The following FER1L5 variants were observed in gnomAD, a reference collection of about 807,000 sequenced individuals.
FER1L5 encodes fer-1-like protein 5.
FER1L5 carries 187 observed loss-of-function variants against 279.9 expected under a neutral mutation model. That is an observed-to-expected ratio of 0.67 (90% CI 0.59 to 0.75). The LOEUF is 0.75. Among genes scored for constraint, FER1L5 ranks in the 30% least tolerant of loss-of-function variants. The pLI, the probability that FER1L5 is intolerant of heterozygous loss-of-function variation, is 0.00. For missense variants in FER1L5, 2,091 were observed against 2,594.4 expected (o/e 0.81, Z 4.21); for synonymous variants, 921 against 989.7 (o/e 0.93, Z 1.30).
chr2:96,651,295 CT>C (rs1354648127), intron 6 of FER1L5, among the ~76,000 whole-genome samples: 1 of 134,486 alleles, frequency 7.4e-6, no homozygotes, highest in African/African-American at 2.8e-5. Context: ...TTCTTTCTTT[CT>C]TTCTTCTTTC....
intron 31 of FER1L5, among the ~76,000 whole-genome samples, chr2:96,692,925 T>C (rs1034600434): frequency 2.0e-5 from 3 of 152,078 alleles, no homozygotes; most frequent in Non-Finnish European, 4.4e-5. Context: ...CACCTGTAAT[T>C]CCTGCACTTT....
rs1227447659 is a variant in FER1L5, at chr2:96,691,356, G to A, written c.2907+3G>A. The stretch of plus-strand genomic sequence containing the variant: ...AGACCCTCTCCTTCCTGCAGCTGGT[G>A]AGGGGTCGACGGGCGCCCTGGCTGG... On this transcript the variant is annotated splice_donor_region_variant and intron_variant, in intron 28 of 52. Coordinates refer to ENST00000624922, the MANE Select transcript of FER1L5 (RefSeq NM_001293083.2). The surrounding 1 kb of genome is among the most constrained non-coding windows in gnomAD (Gnocchi z 6.0). 3.2e-6 allele frequency: 5 copies of A among 1,548,198 alleles called. No individual in the cohort carries two copies. Among genetic ancestry groups the A allele is most frequent in the African/African-American group, 1.4e-5 (1 of 73,122 alleles).
intron 35 of FER1L5, 24 bp from the exon 36 acceptor site, chr2:96,695,718 C>T (rs1255198355): frequency 1.2e-6 from 2 of 1,610,048 alleles, no homozygotes; most frequent in African/African-American, 1.3e-5. Flanking sequence ...GTCTCACGCT[C>T]CCCACGTCTC....
chr2:96,681,216 T>C (rs961585107), intron 19 of FER1L5, among the ~76,000 whole-genome samples: 2 of 152,148 alleles, frequency 1.3e-5, no homozygotes, highest in East Asian at 3.8e-4. Flanking sequence ...TAGCCAACCA[T>C]GGTGGCTCAT....
chr2:96,657,037 T>C (rs939132581), intron 9 of FER1L5, among the ~76,000 whole-genome samples: 1 of 150,056 alleles, frequency 6.7e-6, no homozygotes, highest in Non-Finnish European at 1.5e-5. Context: ...TGAATTTCTA[T>C]TCTGTTTTTT....
chr2:96,643,770 G>A (rs1237449286), intron 1 of FER1L5, among the ~76,000 whole-genome samples: 4 of 149,814 alleles, frequency 2.7e-5, no homozygotes, highest in African/African-American at 9.9e-5. Flanking sequence ...AGAATCCCAA[G>A]AAGGAAGGGA....
At chr2:96,649,064 G>A (rs966455750) in intron 4 of FER1L5, among the ~76,000 whole-genome samples, 2 of 152,038 alleles carry the variant, frequency 1.3e-5, no homozygotes, top group Non-Finnish European at 2.9e-5. Context: ...AGGTGGGAGA[G>A]CTTAGGTTGC....
chr2:96,662,168 C>A, intron 12 of FER1L5, 47 bp from the exon 13 acceptor site: 1 of 1,541,278 alleles, frequency 6.5e-7, no homozygotes, highest in Non-Finnish European at 8.8e-7. Flanking sequence ...TTTCCTCCTC[C>A]TGAAAAATGC....
At chr2:96,687,720 A>AG in intron 23 of FER1L5, 96 bp from the exon 24 acceptor site, 9 of 1,421,772 alleles carry the variant, frequency 6.3e-6, no homozygotes, top group Non-Finnish European at 8.5e-6. Context: ...CCCAGGGCTC[A>AG]GGGGGGAAGG....
Position 96,695,678 on chromosome 2 carries a change from C to A in FER1L5, c.3894+17C>A. The A allele has an allele frequency of 1.2e-6, 2 of 1,605,090 alleles. No homozygotes were observed. Among genetic ancestry groups the A allele is most frequent in the Non-Finnish European group, 1.7e-6 (2 of 1,175,166 alleles). On this transcript the variant is annotated intron_variant, in intron 35 of 52. Transcript: ENST00000624922. ...CTCACAGTGGTAAGAGGCCCCAGGGCAGGGGCTGGGCAGCCCTCTTCTTCT... is the reference window on the plus strand; with the variant it reads ...CTCACAGTGGTAAGAGGCCCCAGGGAAGGGGCTGGGCAGCCCTCTTCTTCT...
intron 19 of FER1L5, among the ~76,000 whole-genome samples, chr2:96,674,489 G>A (rs1411185988): frequency 1.3e-5 from 2 of 152,180 alleles, no homozygotes; most frequent in Non-Finnish European, 2.9e-5. Flanking sequence ...CTCCCAAAGT[G>A]CTGGGATTAC....
In FER1L5 at chr2:96,695,572, G is replaced by A. The variant is rs773403440; in HGVS notation, c.3805G>A (p.Gly1269Arg). 7 of 1,594,790 alleles carry A rather than the reference G, an allele frequency of 4.4e-6. No homozygotes were observed. Among genetic ancestry groups the A allele is most frequent in the East Asian group, 2.3e-5 (1 of 43,976 alleles). Residue 1269 changes from glycine to arginine, a missense_variant, in exon 35 of 53, where the codon GGG becomes AGG. Transcript: ENST00000624922. ...ASSPQLLVEF[G>R]EESLRTEPIR... The stretch of plus-strand genomic sequence containing the variant: ...CTCCCCCCAGCTCCTGGTGGAATTC[G>A]GGGAAGAGTCCCTGAGGACAGAACC...
At chr2:96,699,851 C>T in intron 43 of FER1L5, 81 bp from the exon 44 acceptor site, 1 of 1,582,594 alleles carries the variant, frequency 6.3e-7, no homozygotes. Context: ...CCCAAGCTTC[C>T]ACCCGTGGTC....
chr2:96,698,047 G>A lies in FER1L5; in HGVS notation c.4247G>A (p.Cys1416Tyr), dbSNP rs2153304244. Residue 1416 changes from cysteine to tyrosine, a missense_variant, in exon 40 of 53, where the codon TGT becomes TAT. Cys to Tyr is a radical substitution (Grantham distance 194). Coordinates refer to ENST00000624922, the MANE Select transcript of FER1L5 (RefSeq NM_001293083.2). This position sits in a 1 kb window ranked among gnomAD's most constrained non-coding sequence, Gnocchi z 5.5. ...CACACACCTCTGCAGGTGTATGAGT[G>A]TGAGCTGGAGGCCGTGCCAGCCTTC... ...KDYHTLKVYE[C>Y]ELEAVPAFQG... 6.4e-7 allele frequency: 1 copy of A among 1,573,996 alleles called. No individual in the cohort carries two copies. Among genetic ancestry groups the A allele is most frequent in the Non-Finnish European group, 8.6e-7 (1 of 1,159,806 alleles).
Position 96,686,057 on chromosome 2 carries a change from CA to C in FER1L5, c.2015del (p.Lys672ArgfsTer28). The C allele has an allele frequency of 6.4e-7, 1 of 1,551,680 alleles. No individual in the cohort carries two copies. The highest frequency in any genetic ancestry group is 8.7e-7 in the Non-Finnish European group (1 of 1,146,980). On this transcript the variant is annotated frameshift_variant, in exon 22 of 53. Transcript: ENST00000624922. LOFTEE classifies it high-confidence loss of function. ...CCCAAAAGGCCAAGCAAGCCAAGCC[CA>C]AGGACATGGTGGCCACAGCGGAGGA... The part of the protein sequence containing the change: ...LAQKAKQAKP[K>X]DMVATAEDWL...
rs763727713 is a variant in FER1L5, at chr2:96,704,634, C to T, written c.6116C>T (p.Pro2039Leu). Residue 2039 changes from proline (P) to leucine (L), a missense_variant, in exon 53 of 53, where the codon CCA (proline) becomes CTA (leucine). Pro to Leu is a moderately conservative substitution (Grantham distance 98). Transcript: ENST00000624922. ...PTIDHEWKLH[P>L]GPTNHLSDIF... ...ATAGACCATGAGTGGAAACTCCACC[C>T]AGGACCCACAAATCACCTGAGTGAT... 2.7e-5 allele frequency: 44 copies of T among 1,613,898 alleles called. No homozygotes were observed. The South Asian group carries it at 4.4e-4, about 16-fold the overall frequency.
At chr2:96,654,139 A>G in intron 8 of FER1L5, 4 of 303,464 alleles carry the variant, frequency 1.3e-5, no homozygotes, top group East Asian at 5.5e-5. Context: ...ACAAAGGCAC[A>G]GAGGAAACAA....
At chr2:96,655,652 AC>A (rs1303315857) in intron 9 of FER1L5, among the ~76,000 whole-genome samples, 1 of 152,210 alleles carries the variant, frequency 6.6e-6, no homozygotes, top group Non-Finnish European at 1.5e-5. Flanking sequence ...TGATTTCTAG[AC>A]AGTGACCAAT....
intron 2 of FER1L5, among the ~76,000 whole-genome samples, 183 bp from the exon 3 acceptor site, chr2:96,646,881 G>A (rs1245272399): frequency 6.6e-6 from 1 of 152,160 alleles, no homozygotes; most frequent in Non-Finnish European, 1.5e-5. Flanking sequence ...GAAGCCGAGT[G>A]GGATGCCCAC....
Sources: allele counts gnomAD v4.1 joint callset (sites outside exome capture counted in the v4.1 genomes callset), GRCh38; gene constraint gnomAD v4.1.1; non-coding constraint Gnocchi (gnomAD v3.1); transcripts MANE v1.5; gene names NCBI Gene and HGNC (gene_info 2026-07-23, HGNC 2026-07-21).